The following PRELID3B variants were observed in gnomAD, a reference collection of about 807,000 sequenced individuals.
The protein encoded by PRELID3B is PRELI domain containing protein 3B.
Under a neutral mutation model 24.0 loss-of-function variants are expected in PRELID3B, and 15 were observed. The ratio of observed to expected loss-of-function variants is 0.63; its 90% CI spans 0.42 to 0.96. The LOEUF (loss-of-function observed/expected upper bound fraction) is 0.96. Ranked by LOEUF, PRELID3B falls within the 40% of genes least tolerant of loss-of-function variation. The pLI, the probability that PRELID3B is intolerant of heterozygous loss-of-function variation, is 0.00. For synonymous variants in PRELID3B, 62 were observed against 76.0 expected (o/e 0.82, Z 0.96); for missense variants, 189 against 236.0 (o/e 0.80, Z 1.30).
intron 2 of PRELID3B, 139 bp from the exon 3 acceptor site, chr20:59,037,419 A>C: frequency 1.4e-6 from 1 of 725,794 alleles, no homozygotes; most frequent in Non-Finnish European, 2.4e-6. Flanking sequence ...GGAAACAAGC[A>C]AAGGTCAGAA....
chr20:59,036,628 A>T, intron 4 of PRELID3B, 55 bp from the exon 5 acceptor site: 1 of 1,587,670 alleles, frequency 6.3e-7, no homozygotes. Context: ...ATTTTCAAAA[A>T]ACTTGATAAA....
intron 5 of PRELID3B, among the ~76,000 whole-genome samples, chr20:59,036,024 T>C (rs1297171728): frequency 6.6e-6 from 1 of 152,194 alleles, no homozygotes; most frequent in East Asian, 1.9e-4. Flanking sequence ...GTATATGATA[T>C]ATGACTTAAT....
At position 59,033,155 on chromosome 20, in the gene PRELID3B, GAA is replaced by G. The variant is rs1304654292; in HGVS notation, c.*1850_*1851del. The G allele has an allele frequency of 6.6e-6, 1 of 152,112 alleles. No individual in the cohort carries two copies. The highest frequency in any genetic ancestry group is 1.5e-5 in the Non-Finnish European group (1 of 68,004). 9.4% of individuals were successfully genotyped at this position (152,112 alleles called of 1,614,324 possible). A position where few individuals can be genotyped will look rare whatever the true frequency, so the allele number is the denominator to read the frequency against. The stretch of plus-strand genomic sequence containing the variant: ...TAATCAGGAAAAACATCACTTAAAA[GAA>G]AGTTTTTATTAACAAAAGTTTTCCT... On this transcript the variant is annotated 3_prime_UTR_variant, in exon 6 of 6. Transcript: ENST00000355937.
chr20:59,037,272 A>T lies in PRELID3B; in HGVS notation c.210T>A (p.Gly70=). The change falls in exon 3 of 6, where the codon GGT becomes GGA. Residue 70 remains glycine, a synonymous_variant. Transcript: ENST00000355937. ...GCACATATGTTTTCGTTCTTGCTGC[A>T]CCAATAAGCTAAGTAAAACATTCAG... ...GLPSIVKSLI[G]AARTKTYVQE... is the part of the protein sequence containing the mutation. 1.2e-6 allele frequency: 2 copies of T among 1,612,540 alleles called. No individual in the cohort carries two copies. Among genetic ancestry groups the T allele is most frequent in the Non-Finnish European group, 1.7e-6 (2 of 1,178,580 alleles).
rs554563822 is a variant in PRELID3B, at chr20:59,033,322, T to C, written c.*1685A>G. 35 of 151,852 alleles carry C rather than the reference T, an allele frequency of 2.3e-4. No homozygotes were observed. The highest frequency in any genetic ancestry group is 8.4e-4 in the African/African-American group (35 of 41,492). 9.4% of individuals were successfully genotyped at this position (151,852 alleles called of 1,614,324 possible). On this transcript the variant is annotated 3_prime_UTR_variant, in exon 6 of 6. Coordinates refer to ENST00000355937, the MANE Select transcript of PRELID3B (RefSeq NM_016045.3). ...CTAACTGCACTGGAAAATGAAAATTTATAGTTTTATCAATAGGTCAGTTTT... is the reference window on the plus strand; with the variant it reads ...CTAACTGCACTGGAAAATGAAAATTCATAGTTTTATCAATAGGTCAGTTTT...
At chr20:59,036,051 G>GA (rs912149187) in intron 5 of PRELID3B, among the ~76,000 whole-genome samples, 36 of 151,758 alleles carry the variant, frequency 2.4e-4, no homozygotes, top group African/African-American at 7.5e-4. Flanking sequence ...GGCAATTAGG[G>GA]AAAAAATGTC....
rs2092080262 is a variant in PRELID3B, at chr20:59,037,273, C to T, written c.209G>A (p.Gly70Asp). The T allele has an allele frequency of 6.2e-7, 1 of 1,612,056 alleles. No homozygotes were observed. Among genetic ancestry groups the T allele is most frequent in the Non-Finnish European group, 8.5e-7 (1 of 1,178,364 alleles). ...CACATATGTTTTCGTTCTTGCTGCA[C>T]CAATAAGCTAAGTAAAACATTCAGA... ...GLPSIVKSLI[G>D]AARTKTYVQE... The change falls in exon 3 of 6, where the codon GGT (glycine) becomes GAT (aspartate). Residue 70 changes from glycine (G) to aspartate (D), a missense_variant. Gly to Asp is a moderately conservative substitution (Grantham distance 94). Transcript: ENST00000355937.
chr20:59,039,745 C>T (rs1286151976), intron 1 of PRELID3B, among the ~76,000 whole-genome samples: 7 of 152,206 alleles, frequency 4.6e-5, no homozygotes, highest in African/African-American at 9.7e-5. Flanking sequence ...AACTACATCT[C>T]GTTGACAAAA....
At position 59,033,253 on chromosome 20, in the gene PRELID3B, C is replaced by A. The variant is rs138483534; in HGVS notation, c.*1754G>T. On this transcript the variant is annotated 3_prime_UTR_variant, in exon 6 of 6. Transcript: ENST00000355937. ...TGAACACTTATTCCAGTTTAGTTCTCTTAAATTCATTTGCTTGTTGTGCAT... is the reference window on the plus strand; with the variant it reads ...TGAACACTTATTCCAGTTTAGTTCTATTAAATTCATTTGCTTGTTGTGCAT... 2.4e-3 allele frequency: 361 copies of A among 152,258 alleles called. No individual in the cohort carries two copies. Among genetic ancestry groups the A allele is most frequent in the African/African-American group, 8.3e-3 (345 of 41,570 alleles). The allele number at this position is 152,258 out of a possible 1,614,324, so 9.4% of individuals were successfully genotyped here.
chr20:59,034,890 C>CCAA lies in PRELID3B; in HGVS notation c.*116_*117insTTG. On this transcript the variant is annotated 3_prime_UTR_variant, in exon 6 of 6. Coordinates refer to ENST00000355937, the MANE Select transcript of PRELID3B (RefSeq NM_016045.3). ...GTCACATAGCCTTACACCAACTTATCAAAAAAAAAAAAAAAAAAACTACCC... is the reference window on the plus strand; with the variant it reads ...GTCACATAGCCTTACACCAACTTATCCAAAAAAAAAAAAAAAAAAAAACTACCC... 1.5e-6 allele frequency: 1 copy of CCAA among 665,902 alleles called. No individual in the cohort carries two copies. The highest frequency in any genetic ancestry group is 2.0e-6 in the Non-Finnish European group (1 of 488,196). 41.2% of individuals were successfully genotyped at this position (665,902 alleles called of 1,614,324 possible).
At chr20:59,035,258 CCT>C in intron 5 of PRELID3B, 132 bp from the exon 6 acceptor site, 1 of 775,492 alleles carries the variant, frequency 1.3e-6, no homozygotes, top group East Asian at 2.7e-5. Context: ...TCGTTTTTGT[CCT>C]GGCTTTTTCT....
rs751883655 is a variant in PRELID3B at position 59,036,524 on chromosome 20, T to C, written c.412A>G (p.Ser138Gly). ...GCCATCAGTCCTTCAAGGTAACTGC[T>C]GAGGCTAACTCCTTTCACGGTAATT... The part of the protein sequence containing the change: ...AIITVKGVSL[S>G]SYLEGLMAST... The change falls in exon 5 of 6, where the codon AGC (serine) becomes GGC (glycine). Residue 138 changes from serine (S) to glycine (G), a missense_variant. By Grantham distance (56) the Ser-to-Gly change is moderately conservative (BLOSUM62 0). Transcript: ENST00000355937. The C allele has an allele frequency of 6.2e-7, 1 of 1,614,248 alleles. No individual in the cohort carries two copies. Among genetic ancestry groups the C allele is most frequent in the Non-Finnish European group, 8.5e-7 (1 of 1,180,034 alleles).
At chr20:59,041,143 C>T (rs2092107232) in intron 1 of PRELID3B, among the ~76,000 whole-genome samples, 1 of 152,112 alleles carries the variant, frequency 6.6e-6, no homozygotes, top group Admixed American at 6.5e-5. Context: ...TGCCGAGAAC[C>T]TCTGAAGCAT....
In PRELID3B at chr20:59,034,756, T is replaced by C. The variant is rs1046818231; in HGVS notation, c.*251A>G. Reference sequence around the variant, plus strand: ...AATACCAGTTTCCAAGGAGTTCTTGTTGAATTTTCACAGAAATACTGGAAC... The same window carrying C: ...AATACCAGTTTCCAAGGAGTTCTTGCTGAATTTTCACAGAAATACTGGAAC... On this transcript the variant is annotated 3_prime_UTR_variant, in exon 6 of 6. Coordinates refer to ENST00000355937, the MANE Select transcript of PRELID3B (RefSeq NM_016045.3). 8.2e-5 allele frequency: 29 copies of C among 355,780 alleles called. No homozygotes were observed. The highest frequency in any genetic ancestry group is 5.9e-4 in the African/African-American group (28 of 47,580). 22.0% of individuals were successfully genotyped at this position (355,780 alleles called of 1,614,324 possible).
Position 59,042,784 on chromosome 20 carries a change from G to C in PRELID3B, c.-54C>G, listed in dbSNP as rs1483040111. 2 of 1,568,724 alleles carry C rather than the reference G, an allele frequency of 1.3e-6. No individual in the cohort carries two copies. The highest frequency in any genetic ancestry group is 1.3e-5 in the African/African-American group (1 of 74,118). ...TAGCGCCAGGGGACAACGAGGCACA[G>C]AGGCTACACCTGCCCCTGCCCCGCC... is the stretch of plus-strand genomic sequence containing the variant. On this transcript the variant is annotated 5_prime_UTR_variant, in exon 1 of 6. Transcript: ENST00000355937.
chr20:59,035,297 C>T (rs1057287548), intron 5 of PRELID3B, among the ~76,000 whole-genome samples, 171 bp from the exon 6 acceptor site: 1 of 152,220 alleles, frequency 6.6e-6, no homozygotes, highest in African/African-American at 2.4e-5. Context: ...CATCAAATGC[C>T]TTGAGCAACT....
chr20:59,042,619 T>C, intron 1 of PRELID3B, 80 bp downstream of exon 1: 1 of 1,475,904 alleles, frequency 6.8e-7, no homozygotes, highest in South Asian at 1.2e-5. Flanking sequence ...AGAAGCCTCC[T>C]GCGGGCCGCC....
Position 59,042,770 on chromosome 20 carries a change from G to A in PRELID3B, c.-40C>T, listed in dbSNP as rs933992853. 3.8e-6 allele frequency: 6 copies of A among 1,587,630 alleles called. No individual in the cohort carries two copies. The highest frequency in any genetic ancestry group is 4.6e-5 in the East Asian group (2 of 43,844). On this transcript the variant is annotated 5_prime_UTR_variant, in exon 1 of 6. Transcript: ENST00000355937. The stretch of plus-strand genomic sequence containing the variant: ...GAGAGATGTCCGGGTAGCGCCAGGG[G>A]ACAACGAGGCACAGAGGCTACACCT...
chr20:59,040,154 T>A lies in PRELID3B; in HGVS notation c.33-1520A>T, dbSNP rs893414696. 1.3e-5 allele frequency among the ~76,000 whole-genome samples: 2 copies of A among 152,216 alleles called. No homozygotes were observed. The highest frequency in any genetic ancestry group is 6.5e-5 in the Admixed American group (1 of 15,272). On this transcript the variant is annotated intron_variant, in intron 1 of 5. Coordinates refer to ENST00000355937, the MANE Select transcript of PRELID3B (RefSeq NM_016045.3). The surrounding 1 kb of genome is among the most constrained non-coding windows in gnomAD (Gnocchi z 4.1). ...TATGCATTATTTGTAATTTAGTCCA[T>A]CTCTCCTTTCTGAACCAACTTGAAA... is the stretch of plus-strand genomic sequence containing the variant.
Sources: allele counts gnomAD v4.1 joint callset (sites outside exome capture counted in the v4.1 genomes callset), GRCh38; gene constraint gnomAD v4.1.1; non-coding constraint Gnocchi (gnomAD v3.1); transcripts MANE v1.5; gene names NCBI Gene and HGNC (gene_info 2026-07-23, HGNC 2026-07-21).